Variants in C11orf65 observed in about 807,000 individuals in gnomAD.
C11orf65 encodes protein MFI.
Under a neutral mutation model 35.3 loss-of-function variants are expected in C11orf65, and 38 were observed. That is an observed-to-expected ratio of 1.08 (90% CI 0.83 to 1.41). The LOEUF is 1.41. Among genes scored for constraint, C11orf65 ranks in the 40% most tolerant of loss-of-function variants. The pLI is 0.00. For missense variants in C11orf65, 370 were observed against 367.1 expected (o/e 1.01, Z -0.06); for synonymous variants, 105 against 114.4 (o/e 0.92, Z 0.53).
chr11:108,327,493 G>A (rs1156591735), downstream of C11orf65: 12 of 623,312 alleles, frequency 1.9e-5, no homozygotes, highest in Admixed American at 3.0e-4. Flanking sequence ...TATTAAAATA[G>A]TTGTATGGCA....
chr11:108,390,108 C>T (rs1591443956), intron 7 of C11orf65, among the ~76,000 whole-genome samples: 2 of 152,194 alleles, frequency 1.3e-5, no homozygotes, highest in African/African-American at 2.4e-5. Flanking sequence ...ACTGCAACCT[C>T]CACCTCCTGG....
chr11:108,386,131 G>C (rs2091995063), intron 7 of C11orf65, among the ~76,000 whole-genome samples, 156 bp from the exon 8 acceptor site: 1 of 152,160 alleles, frequency 6.6e-6, no homozygotes, highest in Non-Finnish European at 1.5e-5. Flanking sequence ...CCTTCTAGTA[G>C]CTCACATCCA....
chr11:108,399,881 G>T (rs2092405776), intron 6 of C11orf65, among the ~76,000 whole-genome samples: 1 of 152,168 alleles, frequency 6.6e-6, no homozygotes, highest in South Asian at 2.1e-4. Context: ...ATTTTCAAAT[G>T]GAATATAGCT....
At chr11:108,447,339 T>C (rs950591889) in intron 2 of C11orf65, among the ~76,000 whole-genome samples, 3 of 151,652 alleles carry the variant, frequency 2.0e-5, no homozygotes, top group African/African-American at 2.4e-5. Flanking sequence ...CATTTTTTTT[T>C]AGCACCACAC....
intron 3 of C11orf65, among the ~76,000 whole-genome samples, chr11:108,420,294 T>C (rs2092797006): frequency 6.6e-6 from 1 of 152,148 alleles, no homozygotes; most frequent in Non-Finnish European, 1.5e-5. Flanking sequence ...TATATGAAGT[T>C]TGAGTGCCAC....
intron 3 of C11orf65, among the ~76,000 whole-genome samples, chr11:108,430,273 C>T (rs1218122451): frequency 6.1e-5 from 9 of 148,458 alleles, no homozygotes; most frequent in East Asian, 2.0e-4. Context: ...GGACTACAGG[C>T]ACCTGCCACC....
chr11:108,459,843 T>C (rs1324169222), intron 2 of C11orf65, among the ~76,000 whole-genome samples: 1 of 151,890 alleles, frequency 6.6e-6, no homozygotes, highest in African/African-American at 2.4e-5. Context: ...CCTAGCACAA[T>C]GTCAGGAACA....
At chr11:108,414,618 G>A (rs1354732573) in intron 3 of C11orf65, among the ~76,000 whole-genome samples, 1 of 151,862 alleles carries the variant, frequency 6.6e-6, no homozygotes, top group African/African-American at 2.4e-5. Context: ...GGATTCACTG[G>A]TAAATTCTAC....
intron 2 of C11orf65, among the ~76,000 whole-genome samples, chr11:108,362,012 A>G (rs1176111735): frequency 1.5e-5 from 2 of 132,756 alleles, no homozygotes; most frequent in Non-Finnish European, 3.2e-5. Flanking sequence ...TGAACAGGCA[A>G]CCTACAAAAT....
chr11:108,331,501 G>T lies in C11orf65; in HGVS notation c.*49C>A. 1 of 1,613,378 alleles carries T rather than the reference G, an allele frequency of 6.2e-7. No individual in the cohort carries two copies. The highest frequency in any genetic ancestry group is 1.3e-5 in the African/African-American group (1 of 74,962). On this transcript the variant is annotated 3_prime_UTR_variant, in exon 4 of 4. Transcript: ENST00000524755. ...TTTGCCTCTTATGTACCAATTGGCTGCTAGAATGGGGACCAAGATGATGGG... is the reference window on the plus strand; with the variant it reads ...TTTGCCTCTTATGTACCAATTGGCTTCTAGAATGGGGACCAAGATGATGGG...
At chr11:108,442,323 T>TGTGAAAAGATGAAACTTACGTCTGATTG (rs2093167951) in intron 2 of C11orf65, among the ~76,000 whole-genome samples, 1 of 152,184 alleles carries the variant, frequency 6.6e-6, no homozygotes, top group East Asian at 1.9e-4. Context: ...TGTGGGACTA[T>TGTGAAAAGATGAAACTTACGTCTGATTG]GTGAAAAGAT....
chr11:108,393,073 C>CA, intron 7 of C11orf65, 135 bp downstream of exon 7: 2 of 934,154 alleles, frequency 2.1e-6, no homozygotes, highest in Non-Finnish European at 3.1e-6. Flanking sequence ...TCTTTCTAGA[C>CA]AAATAATAGA....
chr11:108,449,734 T>C (rs1429267647), intron 2 of C11orf65, among the ~76,000 whole-genome samples: 1 of 151,956 alleles, frequency 6.6e-6, no homozygotes, highest in Non-Finnish European at 1.5e-5. Context: ...AGGCAAGGAC[T>C]TCATGTCTGA....
rs1565558731 is a variant in C11orf65 at position 108,343,386 on chromosome 11, A to G, written c.227-8094T>C. Reference sequence around the variant, plus strand: ...AGAAAATGATGGTGAGTGACACCCAAAATTAAAGGTTATTGTAAGATTATT... The same window carrying G: ...AGAAAATGATGGTGAGTGACACCCAGAATTAAAGGTTATTGTAAGATTATT... On this transcript the variant is annotated intron_variant, in intron 2 of 3. Transcript: ENST00000524755. 1.2e-6 allele frequency: 2 copies of G among 1,613,570 alleles called. No homozygotes were observed. The highest frequency in any genetic ancestry group is 1.7e-6 in the Non-Finnish European group (2 of 1,179,604).
intron 3 of C11orf65, among the ~76,000 whole-genome samples, chr11:108,427,394 C>G (rs1361482876): frequency 6.7e-6 from 1 of 150,110 alleles, no homozygotes; most frequent in East Asian, 2.0e-4. Flanking sequence ...AGATGCTTCT[C>G]AAAAGAAGAC....
chr11:108,425,180 G>A (rs2092882140), intron 3 of C11orf65, among the ~76,000 whole-genome samples: 2 of 151,646 alleles, frequency 1.3e-5, no homozygotes, highest in South Asian at 4.1e-4. Context: ...GGAGATAAGA[G>A]ACACAAAAAA....
intron 6 of C11orf65, among the ~76,000 whole-genome samples, chr11:108,309,372 G>A (rs1184941961): frequency 1.3e-5 from 2 of 152,182 alleles, no homozygotes; most frequent in African/African-American, 2.4e-5. Flanking sequence ...GTAGTAGGGT[G>A]TGCCTTATTC....
At chr11:108,382,187 T>C (rs2091879850), downstream of C11orf65, among the ~76,000 whole-genome samples, 1 of 152,236 alleles carries the variant, frequency 6.6e-6, no homozygotes, top group Non-Finnish European at 1.5e-5. Context: ...CCCAGTTTCC[T>C]AACCCTCAGA....
intron 2 of C11orf65, chr11:108,355,789 G>C (rs892667216): frequency 6.6e-6 from 1 of 152,244 alleles, no homozygotes; most frequent in Non-Finnish European, 1.5e-5. Context: ...TATGAGAACT[G>C]TCTTAATTCA....
Sources: allele counts gnomAD v4.1 joint callset (sites outside exome capture counted in the v4.1 genomes callset), GRCh38; gene constraint gnomAD v4.1.1; transcripts MANE v1.5; gene names NCBI Gene and HGNC (gene_info 2026-07-23, HGNC 2026-07-21).